PPP6R3: variants seen among roughly 807,000 people sequenced by gnomAD.
The protein encoded by PPP6R3 is protein phosphatase 6 regulatory subunit 3, also known as serine/threonine-protein phosphatase 6 regulatory subunit 3.
A neutral mutation model predicts 110.7 loss-of-function variants in PPP6R3; 38 were observed. The observed-to-expected ratio is 0.34, with a 90% CI of 0.26 to 0.45. The LOEUF is 0.45. Ranked by LOEUF, PPP6R3 falls within the 20% of genes least tolerant of loss-of-function variation. The pLI is 1.00. For synonymous variants in PPP6R3, 369 were observed against 373.5 expected (o/e 0.99, Z 0.14); for missense variants, 870 against 1,062.4 (o/e 0.82, Z 2.52).
intron 1 of PPP6R3, among the ~76,000 whole-genome samples, chr11:68,511,418 C>T (rs959410810): frequency 6.6e-6 from 1 of 150,908 alleles, no homozygotes; most frequent in Non-Finnish European, 1.5e-5. Context: ...ACTTTCCTTT[C>T]CTAAACAACT....
chr11:68,519,785 C>G (rs1033215174), intron 2 of PPP6R3, 134 bp downstream of exon 2: 21 of 391,164 alleles, frequency 5.4e-5, no homozygotes, highest in African/African-American at 3.9e-4. Context: ...CAATATGATT[C>G]TGTGGTACTG....
chr11:68,464,335 T>C (rs1214716726), intron 1 of PPP6R3, among the ~76,000 whole-genome samples: 1 of 152,080 alleles, frequency 6.6e-6, no homozygotes, highest in East Asian at 1.9e-4. Context: ...TTTCACATCT[T>C]GGCCAGGGTG....
intron 1 of PPP6R3, among the ~76,000 whole-genome samples, chr11:68,471,258 G>A (rs964142069): frequency 1.3e-5 from 2 of 149,954 alleles, no homozygotes; most frequent in African/African-American, 4.9e-5. Flanking sequence ...ACTCCAGCCT[G>A]GGTGACAGAG....
rs532761115 is a variant in PPP6R3 at position 68,544,507 on chromosome 11, C to T, written c.228-331C>T. ...CAGAGGAGGCTGTAGCCTGATGGCT[C>T]GTACGTCCAGCCGCTTTCCTCGCTG... On this transcript the variant is annotated intron_variant, in intron 3 of 23. Transcript: ENST00000393800. 1.2e-4 allele frequency among the ~76,000 whole-genome samples: 19 copies of T among 152,328 alleles called. 1 individual carries two copies. In the South Asian group the frequency reaches 1.9e-3, roughly 15 times the overall value.
intron 3 of PPP6R3, among the ~76,000 whole-genome samples, chr11:68,542,668 A>G (rs536411081): frequency 7.5e-4 from 114 of 152,110 alleles, no homozygotes; most frequent in African/African-American, 2.7e-3. Flanking sequence ...TGCTGGGACT[A>G]TTGGTGTGCG....
chr11:68,533,704 CAAAAAAAAAA>C (rs58617776), intron 2 of PPP6R3, among the ~76,000 whole-genome samples: 4 of 56,146 alleles, frequency 7.1e-5, no homozygotes, highest in South Asian at 1.9e-3. Context: ...GACCTTGTCT[CAAAAAAAAAA>C]AAAAAAAAAA....
intron 12 of PPP6R3, among the ~76,000 whole-genome samples, chr11:68,573,128 ATATATATATAT>A (rs1375257684): frequency 1.2e-5 from 1 of 86,022 alleles, no homozygotes; most frequent in Admixed American, 1.1e-4. Flanking sequence ...ATATATATAT[ATATATATATAT>A]ATATATATAT....
rs1215597275 is a variant in PPP6R3, at chr11:68,575,960, C to G, written c.1462C>G (p.Leu488Val). ...TTTTTGCTTTTCTCACTCTGAAGAT[C>G]TTCCCGACGAAGTCAGGGAACGATG... is the stretch of plus-strand genomic sequence containing the variant. Reference protein sequence around the residue: ...SALVQQLIKDLPDEVRERWET... With the variant: ...SALVQQLIKDVPDEVRERWET... Residue 488 changes from leucine to valine, a missense_variant and splice_region_variant, in exon 14 of 24, where the codon CTT becomes GTT. Transcript: ENST00000393800. 6.2e-7 allele frequency: 1 copy of G among 1,607,090 alleles called. No homozygotes were observed. Among genetic ancestry groups the G allele is most frequent in the South Asian group, 1.1e-5 (1 of 90,350 alleles).
intron 1 of PPP6R3, among the ~76,000 whole-genome samples, chr11:68,486,742 T>G (rs1232028136): frequency 6.6e-6 from 1 of 152,160 alleles, no homozygotes; most frequent in Non-Finnish European, 1.5e-5. Flanking sequence ...GTGCTTTCTA[T>G]TTTAGAAGGT....
At chr11:68,495,656 A>G (rs1472387178) in intron 1 of PPP6R3, among the ~76,000 whole-genome samples, 4 of 152,196 alleles carry the variant, frequency 2.6e-5, no homozygotes, top group Non-Finnish European at 5.9e-5. Flanking sequence ...TGTAACATGT[A>G]TGAGTACTTC....
At chr11:68,473,281 G>T (rs2098805403) in intron 1 of PPP6R3, among the ~76,000 whole-genome samples, 1 of 152,118 alleles carries the variant, frequency 6.6e-6, no homozygotes, top group South Asian at 2.1e-4. Flanking sequence ...AATCAGTTGT[G>T]CCCAAGTAAT....
At chr11:68,529,122 C>T (rs1461206046) in intron 2 of PPP6R3, among the ~76,000 whole-genome samples, 1 of 152,194 alleles carries the variant, frequency 6.6e-6, no homozygotes, top group Non-Finnish European at 1.5e-5. Flanking sequence ...CCAACATTTT[C>T]GAGTGGCCTA....
intron 18 of PPP6R3, among the ~76,000 whole-genome samples, chr11:68,595,372 C>T (rs1256617165): frequency 6.6e-6 from 1 of 151,844 alleles, no homozygotes; most frequent in African/African-American, 2.4e-5. Context: ...CCCGCCACCA[C>T]ACCCAGCTAA....
intron 6 of PPP6R3, among the ~76,000 whole-genome samples, chr11:68,553,326 T>G (rs774487871): frequency 4.2e-4 from 64 of 151,100 alleles, no homozygotes; most frequent in Non-Finnish European, 6.9e-4. Context: ...GGAGTTTCGC[T>G]TTTGTTGCCC....
chr11:68,576,753 C>T (rs1489931647), intron 14 of PPP6R3, among the ~76,000 whole-genome samples: 1 of 152,140 alleles, frequency 6.6e-6, no homozygotes, highest in Non-Finnish European at 1.5e-5. Context: ...GCACGTGACT[C>T]GACATTGAAG....
chr11:68,612,573 CTTT>C (rs577479967), intron 23 of PPP6R3, among the ~76,000 whole-genome samples: 134 of 146,158 alleles, frequency 9.2e-4, no homozygotes, highest in Non-Finnish European at 1.4e-3. Context: ...AAGTGGACAC[CTTT>C]TTTTTTTTTT....
intron 1 of PPP6R3, among the ~76,000 whole-genome samples, chr11:68,504,138 G>A (rs1257122631): frequency 1.3e-5 from 2 of 152,354 alleles, no homozygotes; most frequent in East Asian, 3.9e-4. Flanking sequence ...GTCATCAGTG[G>A]TGGCCTGGTT....
intron 9 of PPP6R3, among the ~76,000 whole-genome samples, chr11:68,566,310 C>T (rs1176810274): frequency 6.6e-6 from 1 of 151,916 alleles, no homozygotes; most frequent in Admixed American, 6.6e-5. Context: ...CCTTCCTCCT[C>T]CTCCTTCCTC....
intron 3 of PPP6R3, among the ~76,000 whole-genome samples, chr11:68,543,328 G>A (rs938437284): frequency 2.0e-5 from 3 of 151,706 alleles, no homozygotes; most frequent in Admixed American, 6.6e-5. Context: ...TTATATTCTG[G>A]CATCTTGAAG....
Sources: allele counts gnomAD v4.1 joint callset (sites outside exome capture counted in the v4.1 genomes callset), GRCh38; gene constraint gnomAD v4.1.1; transcripts MANE v1.5; gene names NCBI Gene and HGNC (gene_info 2026-07-23, HGNC 2026-07-21).